QTMAN: variants seen among roughly 807,000 people sequenced by gnomAD.
The protein encoded by QTMAN is queuosine-tRNA mannosyltransferase.
chr2:144,064,620 T>C, the QTMAN span, among the ~76,000 whole-genome samples: 16 of 152,060 alleles, frequency 1.1e-4, no homozygotes, highest in Non-Finnish European at 1.8e-4. Context: ...TTTAGCAATA[T>C]AGAAGTAGGG....
At chr2:144,309,444 GAACA>G in the QTMAN span, among the ~76,000 whole-genome samples, 1 of 152,090 alleles carries the variant, frequency 6.6e-6, no homozygotes, top group Admixed American at 6.5e-5. Flanking sequence ...TTACTGAAAG[GAACA>G]AACTAATGAC....
the QTMAN span, among the ~76,000 whole-genome samples, chr2:144,057,574 C>T: frequency 2.6e-5 from 4 of 152,178 alleles, no homozygotes; most frequent in Non-Finnish European, 4.4e-5. Context: ...ACTATGTGTG[C>T]TAATGTTTCC....
At chr2:143,952,058 G>A in the QTMAN span, 1 of 1,600,132 alleles carries the variant, frequency 6.2e-7, no homozygotes, top group Non-Finnish European at 8.6e-7. Context: ...TTCAGGTGTA[G>A]AATACAGATA....
the QTMAN span, among the ~76,000 whole-genome samples, chr2:144,090,830 C>T: frequency 1.7e-3 from 263 of 151,888 alleles, no homozygotes; most frequent in African/African-American, 6.0e-3. Context: ...TTTTTTTCCC[C>T]TAGGAAACTG....
chr2:144,181,274 A>T, the QTMAN span, among the ~76,000 whole-genome samples: 2 of 152,208 alleles, frequency 1.3e-5, no homozygotes, highest in Non-Finnish European at 2.9e-5. Context: ...TGCATTACAG[A>T]ATTATTTAAT....
the QTMAN span, among the ~76,000 whole-genome samples, chr2:144,191,512 T>C: frequency 1.3e-5 from 2 of 152,182 alleles, no homozygotes; most frequent in African/African-American, 2.4e-5. Context: ...TTAGGTCTTA[T>C]CTGGATATAA....
At chr2:144,137,780 C>T in the QTMAN span, among the ~76,000 whole-genome samples, 1,486 of 152,148 alleles carry the variant, frequency 9.8e-3, 23 homozygotes, top group African/African-American at 0.034. Flanking sequence ...CTCATCCAGA[C>T]CTGAATCCTA....
the QTMAN span, among the ~76,000 whole-genome samples, chr2:143,969,121 C>A: frequency 6.6e-6 from 1 of 152,204 alleles, no homozygotes. Context: ...CCTCACAGCA[C>A]TCATCATTGA....
At chr2:144,057,487 A>C in the QTMAN span, among the ~76,000 whole-genome samples, 1 of 152,110 alleles carries the variant, frequency 6.6e-6, no homozygotes, top group African/African-American at 2.4e-5. Flanking sequence ...TAAATCCTCA[A>C]AAAATCATGA....
the QTMAN span, among the ~76,000 whole-genome samples, chr2:144,189,329 C>T: frequency 6.6e-6 from 1 of 152,138 alleles, no homozygotes. Context: ...CCAAGGCCCT[C>T]CTGCAGGGCA....
chr2:144,235,968 T>C, the QTMAN span, among the ~76,000 whole-genome samples: 2 of 151,160 alleles, frequency 1.3e-5, no homozygotes, highest in African/African-American at 4.9e-5. Context: ...TGTAACTCAG[T>C]AATAATAATA....
chr2:144,105,773 G>A, the QTMAN span, among the ~76,000 whole-genome samples: 2 of 152,106 alleles, frequency 1.3e-5, no homozygotes, highest in Non-Finnish European at 1.5e-5. Context: ...GATACTCCTC[G>A]AGAAGAGTAA....
chr2:144,315,994 T>C, the QTMAN span, among the ~76,000 whole-genome samples: 1 of 152,126 alleles, frequency 6.6e-6, no homozygotes, highest in East Asian at 1.9e-4. Flanking sequence ...CATAACCAGA[T>C]CATCTGACTC....
the QTMAN span, among the ~76,000 whole-genome samples, chr2:144,154,656 G>A: frequency 6.6e-6 from 1 of 152,158 alleles, no homozygotes; most frequent in East Asian, 1.9e-4. Flanking sequence ...TTAAAAATGT[G>A]GGATCTAGTC....
At chr2:144,126,672 G>A in the QTMAN span, among the ~76,000 whole-genome samples, 1 of 151,890 alleles carries the variant, frequency 6.6e-6, no homozygotes, top group East Asian at 1.9e-4. Context: ...ATTATTTGAG[G>A]ACCAGCTGTA....
chr2:143,962,163 T>A, the QTMAN span, among the ~76,000 whole-genome samples: 1 of 152,076 alleles, frequency 6.6e-6, no homozygotes, highest in African/African-American at 2.4e-5. Context: ...AAGTGATATA[T>A]ATATCACTAT....
At chr2:144,020,321 C>G in the QTMAN span, among the ~76,000 whole-genome samples, 1 of 152,146 alleles carries the variant, frequency 6.6e-6, no homozygotes, top group Non-Finnish European at 1.5e-5. Flanking sequence ...CCCTGAGACC[C>G]CAGCAGGCAG....
At chr2:144,105,747 T>C in the QTMAN span, among the ~76,000 whole-genome samples, 7 of 151,974 alleles carry the variant, frequency 4.6e-5, no homozygotes, top group South Asian at 6.2e-4. Flanking sequence ...TCAGGAAATA[T>C]AGAGAATGCC....
At chr2:143,967,306 T>C in the QTMAN span, among the ~76,000 whole-genome samples, 131 of 152,266 alleles carry the variant, frequency 8.6e-4, no homozygotes, top group African/African-American at 3.0e-3. Flanking sequence ...AGAGTAATTC[T>C]TCTGGCTAGG....
Sources: allele counts gnomAD v4.1 joint callset (sites outside exome capture counted in the v4.1 genomes callset), GRCh38; gene constraint gnomAD v4.1.1; transcripts MANE v1.5; gene names NCBI Gene and HGNC (gene_info 2026-07-23, HGNC 2026-07-21).